The following TLN2 variants were observed in gnomAD, a reference collection of about 807,000 sequenced individuals.
The protein encoded by TLN2 is talin 2, also known as talin-2.
Under a neutral mutation model 294.7 loss-of-function variants are expected in TLN2, and 118 were observed. That is an observed-to-expected ratio of 0.40 (90% CI 0.34 to 0.47). The LOEUF is 0.47. Ranked by LOEUF, TLN2 falls within the 20% of genes least tolerant of loss-of-function variation. The pLI is 0.84. For synonymous variants in TLN2, 1,431 were observed against 1,304.5 expected (o/e 1.10, Z -2.09); for missense variants, 3,083 against 3,282.2 (o/e 0.94, Z 1.48).
intron 1 of TLN2, among the ~76,000 whole-genome samples, chr15:62,521,431 G>T (rs951523130): frequency 6.6e-6 from 1 of 152,204 alleles, no homozygotes; most frequent in Non-Finnish European, 1.5e-5. Context: ...AAGAGGTCCT[G>T]AGAAAGTGTG....
chr15:62,740,974 T>G (rs1441806119), intron 32 of TLN2, among the ~76,000 whole-genome samples: 1 of 152,246 alleles, frequency 6.6e-6, no homozygotes, highest in Non-Finnish European at 1.5e-5. Context: ...AAAAATATCT[T>G]CTGTCTTCTC....
chr15:62,540,503 C>G (rs1029078929), intron 1 of TLN2, among the ~76,000 whole-genome samples: 2 of 151,422 alleles, frequency 1.3e-5, no homozygotes, highest in East Asian at 1.9e-4. Context: ...GGACAAGCAG[C>G]CCTTTCTCTG....
At chr15:62,814,624 A>G (rs768269024) in intron 52 of TLN2, among the ~76,000 whole-genome samples, 43 of 152,228 alleles carry the variant, frequency 2.8e-4, no homozygotes, top group Non-Finnish European at 5.3e-4. Context: ...AAAAAGCAAG[A>G]CAGTCTTTGA....
chr15:62,726,975 G>A (rs2060474128), intron 27 of TLN2, 112 bp from the exon 28 acceptor site: 1 of 1,104,732 alleles, frequency 9.1e-7, no homozygotes, highest in Admixed American at 2.2e-5. Context: ...GCCATTGGTG[G>A]GAAAGAGCTA....
intron 1 of TLN2, among the ~76,000 whole-genome samples, chr15:62,422,152 T>C (rs2456463): frequency 0.93 from 138,632 of 148,642 alleles, 65,174 homozygotes; most frequent in East Asian, 1. Context: ...CTCTGCTACT[T>C]GGGAGGCTGA....
At chr15:62,521,784 A>C (rs566578663) in intron 1 of TLN2, among the ~76,000 whole-genome samples, 1 of 152,132 alleles carries the variant, frequency 6.6e-6, no homozygotes, top group Admixed American at 6.6e-5. Context: ...TCCGCATGCA[A>C]ATTTCTCCCA....
At chr15:62,398,985 C>T (rs2032787142) in intron 1 of TLN2, among the ~76,000 whole-genome samples, 1 of 152,066 alleles carries the variant, frequency 6.6e-6, no homozygotes, top group Non-Finnish European at 1.5e-5. Context: ...GGGTCCAGGG[C>T]CCCCTGCTGT....
At chr15:62,739,302 C>T in intron 30 of TLN2, 46 bp from the exon 31 acceptor site, 1 of 1,575,900 alleles carries the variant, frequency 6.3e-7, no homozygotes, top group Non-Finnish European at 8.6e-7. Flanking sequence ...TATCCCTCCC[C>T]TGCAAAGCAG....
In TLN2 at chr15:62,736,971, A is replaced by G. The variant is rs1375179584; in HGVS notation, c.3452A>G (p.His1151Arg). 2 of 1,614,188 alleles carry G rather than the reference A, an allele frequency of 1.2e-6. No homozygotes were observed. Among genetic ancestry groups the G allele is most frequent in the South Asian group, 1.1e-5 (1 of 91,082 alleles). Residue 1151 changes from histidine to arginine, a missense_variant, in exon 29 of 59, where the codon CAT becomes CGT. Transcript: ENST00000636159. ...AASTTDPAAA[H>R]AMLDSARDVM... is the part of the protein sequence containing the mutation. The stretch of plus-strand genomic sequence containing the variant: ...TCGACAACCGACCCCGCGGCCGCCC[A>G]TGCCATGTTAGATTCTGCTCGAGAC...
At chr15:62,484,423 G>A (rs1371701038) in intron 1 of TLN2, among the ~76,000 whole-genome samples, 2 of 152,046 alleles carry the variant, frequency 1.3e-5, no homozygotes, top group Admixed American at 1.3e-4. Context: ...CAAGGACCAT[G>A]GTTTTTTTTT....
chr15:62,584,644 A>T (rs376892693), intron 1 of TLN2, among the ~76,000 whole-genome samples: 1 of 152,216 alleles, frequency 6.6e-6, no homozygotes. Flanking sequence ...TCATTGGGCT[A>T]CACTTCAAAT....
intron 1 of TLN2, among the ~76,000 whole-genome samples, chr15:62,539,146 C>G (rs1385659983): frequency 6.6e-6 from 1 of 152,140 alleles, no homozygotes; most frequent in Non-Finnish European, 1.5e-5. Context: ...CACCCTTAGC[C>G]AAATTAGAAG....
intron 1 of TLN2, among the ~76,000 whole-genome samples, chr15:62,582,130 C>G (rs928436941): frequency 6.7e-6 from 1 of 149,624 alleles, no homozygotes; most frequent in Non-Finnish European, 1.5e-5. Context: ...TAAGCTGGTA[C>G]CTTGAAGTCC....
chr15:62,759,379 A>G (rs2062515731), intron 37 of TLN2, among the ~76,000 whole-genome samples: 1 of 152,246 alleles, frequency 6.6e-6, no homozygotes, highest in African/African-American at 2.4e-5. Flanking sequence ...TGCAAATAGC[A>G]ATGGGCTATA....
Position 62,739,482 on chromosome 15 carries a change from A to G in TLN2, c.3822A>G (p.Gly1274=). The part of the protein sequence containing the change: ...GQSGELAAAS[G]KFSDDFDEFL... The stretch of plus-strand genomic sequence containing the variant: ...GTGGAGAGTTGGCTGCAGCCTCTGG[A>G]AAGTTCAGTGATGATTTTGATGAAT... The change falls in exon 31 of 59, where the codon GGA becomes GGG. Residue 1274 remains glycine, a synonymous_variant. Coordinates refer to ENST00000636159, the MANE Select transcript of TLN2 (RefSeq NM_015059.3). The G allele has an allele frequency of 1.2e-6, 2 of 1,614,212 alleles. No individual in the cohort carries two copies. The highest frequency in any genetic ancestry group is 1.7e-6 in the Non-Finnish European group (2 of 1,180,040).
intron 18 of TLN2, among the ~76,000 whole-genome samples, chr15:62,702,540 A>G (rs2058779104): frequency 6.6e-6 from 1 of 152,188 alleles, no homozygotes; most frequent in South Asian, 2.1e-4. Flanking sequence ...AGGCTCACTA[A>G]TTGGCCATTT....
Position 62,838,996 on chromosome 15 carries a change from CAAG to C in TLN2, c.7500+18_7500+20del, listed in dbSNP as rs1567724264. On this transcript the variant is annotated intron_variant, in intron 58 of 58. Coordinates refer to ENST00000636159, the MANE Select transcript of TLN2 (RefSeq NM_015059.3). ...GCATTGCTCAGGTTTGTAATTAAAT[CAAG>C]AATAGTATTTACTTCCCGAGAGAGG... 5 of 1,612,946 alleles carry C rather than the reference CAAG, an allele frequency of 3.1e-6. No homozygotes were observed. In the South Asian group the frequency reaches 5.5e-5, roughly 18 times the overall value.
intron 1 of TLN2, among the ~76,000 whole-genome samples, chr15:62,444,694 G>A (rs2035728755): frequency 6.6e-6 from 1 of 152,220 alleles, no homozygotes; most frequent in Non-Finnish European, 1.5e-5. Context: ...ACTGGCTAAG[G>A]CTCTAAACTT....
intron 54 of TLN2, 104 bp downstream of exon 54, chr15:62,820,714 A>G (rs1016431144): frequency 3.5e-6 from 5 of 1,447,704 alleles, no homozygotes; most frequent in African/African-American, 2.8e-5. Context: ...CTCCTTCCTT[A>G]TGGTCAGACT....
Sources: gnomAD v4.1 joint callset for allele counts (sites outside exome capture counted in the v4.1 genomes callset) on GRCh38, gnomAD v4.1.1 for gene constraint, MANE v1.5 for transcripts, NCBI Gene and HGNC (gene_info 2026-07-23, HGNC 2026-07-21) for gene names.